NMBR: variants seen among roughly 807,000 people sequenced by gnomAD.
NMBR encodes neuromedin-B receptor.
NMBR carries 16 observed loss-of-function variants against 20.5 expected under a neutral mutation model. The ratio of observed to expected loss-of-function variants is 0.78; its 90% confidence interval spans 0.53 to 1.19. NMBR has a LOEUF of 1.19. NMBR is among the 50% of genes most tolerant of loss of function. The pLI, the probability that NMBR is intolerant of heterozygous loss-of-function variation, is 0.00. For missense variants in NMBR, 582 were observed against 499.1 expected (o/e 1.17, Z -1.58); for synonymous variants, 212 against 196.6 (o/e 1.08, Z -0.65).
At chr6:142,086,730 T>C (rs1330696999) in intron 2 of NMBR, among the ~76,000 whole-genome samples, 1 of 152,172 alleles carries the variant, frequency 6.6e-6, no homozygotes, top group African/African-American at 2.4e-5. Flanking sequence ...TTTTCTCTGA[T>C]CTAGGCCAGG....
intron 2 of NMBR, among the ~76,000 whole-genome samples, chr6:142,080,456 G>A (rs1777071965): frequency 6.6e-6 from 1 of 151,436 alleles, no homozygotes; most frequent in South Asian, 2.1e-4. Context: ...GACTACAGGT[G>A]TATGCCACCA....
intron 2 of NMBR, among the ~76,000 whole-genome samples, chr6:142,080,506 T>C (rs558210307): frequency 3.2e-4 from 49 of 152,106 alleles, no homozygotes; most frequent in African/African-American, 1.2e-3. Flanking sequence ...CAGGAGGTTT[T>C]GCCATGCTGC....
At chr6:142,117,917 A>G (rs189349337) in intron 1 of NMBR, among the ~76,000 whole-genome samples, 1 of 152,124 alleles carries the variant, frequency 6.6e-6, no homozygotes, top group Admixed American at 6.6e-5. Flanking sequence ...GTGATGACTT[A>G]TATAATTTAT....
At chr6:142,095,259 T>C (rs1777423058) in intron 1 of NMBR, among the ~76,000 whole-genome samples, 2 of 152,190 alleles carry the variant, frequency 1.3e-5, no homozygotes, top group Admixed American at 1.3e-4. Flanking sequence ...TTCCGGTTTT[T>C]GCCCATTCAG....
intron 1 of NMBR, among the ~76,000 whole-genome samples, chr6:142,100,328 GAATA>G (rs1486375856): frequency 1.3e-5 from 2 of 152,130 alleles, no homozygotes. Context: ...GTAGGTGAAT[GAATA>G]AATAAACGGT....
intron 1 of NMBR, among the ~76,000 whole-genome samples, chr6:142,102,605 C>G (rs543625525): frequency 2.4e-4 from 37 of 152,202 alleles, no homozygotes; most frequent in Non-Finnish European, 4.3e-4. Flanking sequence ...GTTGTGCAAC[C>G]ATTAAAGCCT....
intron 1 of NMBR, among the ~76,000 whole-genome samples, chr6:142,137,943 A>G (rs1456310788): frequency 6.6e-6 from 1 of 151,872 alleles, no homozygotes. Context: ...AATGCTATGG[A>G]TTATATTGCG....
At chr6:142,085,393 G>A (rs1302738385) in intron 2 of NMBR, among the ~76,000 whole-genome samples, 3 of 152,064 alleles carry the variant, frequency 2.0e-5, no homozygotes, top group Non-Finnish European at 2.9e-5. Context: ...GCATAGTGGC[G>A]TGTGCCTGTA....
chr6:142,100,434 C>A (rs1304694008), intron 1 of NMBR, among the ~76,000 whole-genome samples: 1 of 152,240 alleles, frequency 6.6e-6, no homozygotes, highest in South Asian at 2.1e-4. Context: ...ATATATTTTG[C>A]TGATTGAACT....
intron 2 of NMBR, among the ~76,000 whole-genome samples, chr6:142,081,149 G>T (rs1365786930): frequency 6.6e-6 from 1 of 152,084 alleles, no homozygotes; most frequent in African/African-American, 2.4e-5. Flanking sequence ...AGGGTCAAGG[G>T]TCTCTTTGGA....
chr6:142,108,997 G>T (rs758224722), intron 1 of NMBR, among the ~76,000 whole-genome samples: 5 of 152,138 alleles, frequency 3.3e-5, no homozygotes, highest in Non-Finnish European at 5.9e-5. Context: ...CCAAAACAAA[G>T]GGGCTACAGG....
chr6:142,108,459 T>C (rs569158245), intron 1 of NMBR, among the ~76,000 whole-genome samples: 8 of 152,312 alleles, frequency 5.3e-5, no homozygotes, highest in Non-Finnish European at 1.2e-4. Flanking sequence ...CTCACAGTTG[T>C]GCATGGCTAG....
At chr6:142,116,322 C>T (rs566664609) in intron 1 of NMBR, among the ~76,000 whole-genome samples, 1 of 151,966 alleles carries the variant, frequency 6.6e-6, no homozygotes, top group Admixed American at 6.6e-5. Context: ...ACCTCTTCAG[C>T]CTACAGTTAC....
chr6:142,107,271 C>A (rs1777679547), intron 1 of NMBR, among the ~76,000 whole-genome samples: 1 of 152,048 alleles, frequency 6.6e-6, no homozygotes, highest in Admixed American at 6.6e-5. Context: ...CAAAGAAAGG[C>A]CTCAAAAACC....
chr6:142,133,831 T>TC, intron 1 of NMBR: 2 of 613,784 alleles, frequency 3.3e-6, no homozygotes, highest in Non-Finnish European at 3.0e-6. Context: ...AGATTTTTTT[T>TC]CTCCTAAAAC....
chr6:142,144,717 T>C (rs180750773), intron 1 of NMBR, among the ~76,000 whole-genome samples: 1 of 152,306 alleles, frequency 6.6e-6, no homozygotes, highest in African/African-American at 2.4e-5. Flanking sequence ...CTCTGTACTG[T>C]TCTCCATCAA....
At chr6:142,110,130 T>G (rs1367730674) in intron 1 of NMBR, among the ~76,000 whole-genome samples, 1 of 152,216 alleles carries the variant, frequency 6.6e-6, no homozygotes. Flanking sequence ...AGTGGAAATT[T>G]AAAGTGGTGT....
At chr6:142,134,678 G>A (rs775416933) in intron 1 of NMBR, 3 of 696,172 alleles carry the variant, frequency 4.3e-6, no homozygotes, top group Non-Finnish European at 7.8e-6. Flanking sequence ...TTAAGAATTA[G>A]TCTAGCGGCA....
At chr6:142,092,148 A>G (rs1217241559) in intron 1 of NMBR, among the ~76,000 whole-genome samples, 1 of 152,174 alleles carries the variant, frequency 6.6e-6, no homozygotes, top group Non-Finnish European at 1.5e-5. Context: ...TGGAAATGAA[A>G]AGCATAGAAT....
Sources: allele counts gnomAD v4.1 joint callset (sites outside exome capture counted in the v4.1 genomes callset), GRCh38; gene constraint gnomAD v4.1.1; transcripts MANE v1.5; gene names NCBI Gene and HGNC (gene_info 2026-07-23, HGNC 2026-07-21).